Variants in AGBL1 observed in about 807,000 individuals in gnomAD.
AGBL1 encodes the protein cytosolic carboxypeptidase 4.
In AGBL1, 130 loss-of-function variants were observed where a neutral mutation model predicts 118.9. The observed-to-expected ratio is 1.09, with a 90% CI of 0.95 to 1.26. The LOEUF (loss-of-function observed/expected upper bound fraction) is 1.26. AGBL1 is among the 50% of genes most tolerant of loss of function. The pLI is 0.00. For missense variants in AGBL1, 1,584 were observed against 1,298.1 expected (o/e 1.22, Z -3.38); for synonymous variants, 555 against 478.9 (o/e 1.16, Z -2.08).
At chr15:86,256,095 C>G (rs2078890808) in intron 7 of AGBL1, among the ~76,000 whole-genome samples, 1 of 152,288 alleles carries the variant, frequency 6.6e-6, no homozygotes, top group South Asian at 2.1e-4. Context: ...TACAAAGATA[C>G]TGAAGAAAAT....
intron 22 of AGBL1, among the ~76,000 whole-genome samples, chr15:86,807,480 AC>A (rs755652969): frequency 6.6e-6 from 1 of 151,444 alleles, no homozygotes; most frequent in East Asian, 1.9e-4. Context: ...ACAGAAAAGA[AC>A]TTTTTTTTTT....
intron 21 of AGBL1, among the ~76,000 whole-genome samples, chr15:86,653,923 C>T (rs945709840): frequency 6.6e-6 from 1 of 152,034 alleles, no homozygotes; most frequent in Non-Finnish European, 1.5e-5. Flanking sequence ...TGTGAAGGAG[C>T]TGCAATTAGT....
chr15:86,697,111 T>A (rs975390522), intron 22 of AGBL1, among the ~76,000 whole-genome samples: 2 of 151,986 alleles, frequency 1.3e-5, no homozygotes, highest in African/African-American at 4.8e-5. Context: ...TCCCAGGTGT[T>A]CTTTCAACTT....
chr15:86,988,552 A>G (rs2081307128), intron 24 of AGBL1: 1 of 152,254 alleles, frequency 6.6e-6, no homozygotes, highest in Admixed American at 6.5e-5. Context: ...GTGGAGACCT[A>G]TTAAAAAAAC....
intron 17 of AGBL1, among the ~76,000 whole-genome samples, chr15:86,336,096 A>C (rs1478266930): frequency 6.6e-6 from 1 of 152,226 alleles, no homozygotes; most frequent in Non-Finnish European, 1.5e-5. Context: ...AGAAATCCAG[A>C]ATTCGAAGAA....
chr15:86,202,941 A>G (rs966118712), intron 5 of AGBL1, among the ~76,000 whole-genome samples: 1 of 152,136 alleles, frequency 6.6e-6, no homozygotes, highest in Non-Finnish European at 1.5e-5. Flanking sequence ...CCATAAGGAC[A>G]GGCACAGTGG....
intron 22 of AGBL1, among the ~76,000 whole-genome samples, chr15:86,760,784 G>C (rs1468527204): frequency 6.6e-6 from 1 of 152,046 alleles, no homozygotes; most frequent in Non-Finnish European, 1.5e-5. Context: ...GCTGGTTCTT[G>C]GAGGAGTACC....
At position 86,401,277 on chromosome 15, in the gene AGBL1, G is replaced by C. The variant is rs1432439612; in HGVS notation, c.2555+3731G>C. Among the ~76,000 whole-genome samples, 3 of 151,842 alleles carry C rather than the reference G, an allele frequency of 2.0e-5. No individual in the cohort carries two copies. In the East Asian group the frequency reaches 5.8e-4, roughly 29 times the overall value. ...TATCTTTTGAGAACTGTCTATTCGT[G>C]TCCTTTGACCAGTTTTTGATGGGAT... On this transcript the variant is annotated intron_variant, in intron 18 of 22. Coordinates refer to ENST00000614907, the MANE Select transcript of AGBL1 (RefSeq NM_001386094.1).
chr15:86,582,805 G>A (rs1399004392), intron 21 of AGBL1, among the ~76,000 whole-genome samples: 1 of 145,524 alleles, frequency 6.9e-6, no homozygotes, highest in African/African-American at 2.5e-5. Context: ...GGTGGGAATT[G>A]AACAATGAGA....
At chr15:86,411,242 T>C (rs1451844302) in intron 18 of AGBL1, among the ~76,000 whole-genome samples, 1 of 151,908 alleles carries the variant, frequency 6.6e-6, no homozygotes. Flanking sequence ...CTGTGGTGCA[T>C]GGAGTCTGTC....
chr15:86,761,612 G>A lies in AGBL1; in HGVS notation c.3158+87176G>A, dbSNP rs145992636. On this transcript the variant is annotated intron_variant, in intron 22 of 22. Coordinates refer to ENST00000614907, the MANE Select transcript of AGBL1 (RefSeq NM_001386094.1). ...GTCTCCCTGATATCTCAACTGCAAT[G>A]AAATTTGGCATATAAAAAAGAGGAG... is the stretch of plus-strand genomic sequence containing the variant. Among the ~76,000 whole-genome samples the A allele has an allele frequency of 7.1e-3, 1,074 of 152,174 alleles. 4 individuals carry two copies. Among genetic ancestry groups the A allele is most frequent in the Non-Finnish European group, 0.012 (823 of 67,978 alleles).
chr15:86,947,862 A>G (rs1021577368), intron 23 of AGBL1, among the ~76,000 whole-genome samples: 3 of 152,214 alleles, frequency 2.0e-5, no homozygotes, highest in African/African-American at 7.2e-5. Flanking sequence ...TAGATTTTAC[A>G]TTAAAAATAT....
At chr15:86,227,134 T>C (rs1021091431) in intron 6 of AGBL1, among the ~76,000 whole-genome samples, 1 of 152,250 alleles carries the variant, frequency 6.6e-6, no homozygotes, top group African/African-American at 2.4e-5. Flanking sequence ...TCTACCAGAA[T>C]CTAACATCCA....
In AGBL1 at chr15:86,257,001, C is replaced by G. The variant is rs755551642; in HGVS notation, c.884C>G (p.Pro295Arg). 23 of 1,613,862 alleles carry G rather than the reference C, an allele frequency of 1.4e-5. No individual in the cohort carries two copies. The highest frequency in any genetic ancestry group is 1.9e-5 in the Non-Finnish European group (23 of 1,179,818). The part of the protein sequence containing the change: ...PVPGCITTEP[P>R]HDLPEEDFED... ...CCCGGGTGCATCACCACTGAACCTCCACATGATCTACCTGAAGGTAAAATA... is the reference window on the plus strand; with the variant it reads ...CCCGGGTGCATCACCACTGAACCTCGACATGATCTACCTGAAGGTAAAATA... The change falls in exon 8 of 23, where the codon CCA (proline) becomes CGA (arginine). Residue 295 changes from proline to arginine, a missense_variant. Pro to Arg is a moderately radical substitution (Grantham distance 103). Coordinates refer to ENST00000614907, the MANE Select transcript of AGBL1 (RefSeq NM_001386094.1).
chr15:86,131,476 T>C (rs939034556), intron 1 of AGBL1, among the ~76,000 whole-genome samples: 1 of 152,106 alleles, frequency 6.6e-6, no homozygotes, highest in African/African-American at 2.4e-5. Context: ...CAAAATTCAA[T>C]TTGTAAAATA....
chr15:86,606,224 G>C (rs1567080704), intron 21 of AGBL1, among the ~76,000 whole-genome samples: 2 of 151,910 alleles, frequency 1.3e-5, no homozygotes, highest in Non-Finnish European at 2.9e-5. Flanking sequence ...ACTAAGGTCT[G>C]AGATTTGGCT....
At chr15:86,608,174 T>C (rs955906513) in intron 21 of AGBL1, among the ~76,000 whole-genome samples, 4 of 152,194 alleles carry the variant, frequency 2.6e-5, no homozygotes, top group African/African-American at 9.6e-5. Flanking sequence ...CAGAACAGCT[T>C]TATCCCTTTC....
intron 21 of AGBL1, among the ~76,000 whole-genome samples, chr15:86,619,972 C>A (rs1429573008): frequency 6.6e-6 from 1 of 152,206 alleles, no homozygotes; most frequent in Non-Finnish European, 1.5e-5. Flanking sequence ...AGGACCCAGT[C>A]TTTCCTGCTG....
intron 18 of AGBL1, among the ~76,000 whole-genome samples, chr15:86,455,602 G>A (rs2082249672): frequency 6.6e-6 from 1 of 152,056 alleles, no homozygotes; most frequent in Admixed American, 6.6e-5. Flanking sequence ...TAAGCAATAT[G>A]GCTTAGCATA....
Sources: gnomAD v4.1 joint callset for allele counts (sites outside exome capture counted in the v4.1 genomes callset) on GRCh38, gnomAD v4.1.1 for gene constraint, MANE v1.5 for transcripts, NCBI Gene and HGNC (gene_info 2026-07-23, HGNC 2026-07-21) for gene names.